MED15: variants seen among roughly 807,000 people sequenced by gnomAD.
The protein encoded by MED15 is mediator of RNA polymerase II transcription subunit 15.
MED15 carries 41 observed loss-of-function variants against 118.7 expected under a neutral mutation model. The observed-to-expected ratio is 0.35, with a 90% confidence interval of 0.27 to 0.45. MED15 has a LOEUF of 0.45. MED15 is among the 20% of genes least tolerant of loss of function. The pLI is 1.00. For missense variants in MED15, 740 were observed against 1,025.5 expected, an observed-to-expected ratio of 0.72 and a Z score of 3.80; for synonymous variants, 436 against 413.9, an observed-to-expected ratio of 1.05 and a Z score of -0.65.
chr22:20,537,597 A>C (rs890934466), intron 2 of MED15, among the ~76,000 whole-genome samples: 14 of 152,294 alleles, frequency 9.2e-5, no homozygotes, highest in South Asian at 4.1e-4. Context: ...GCCCTGAGGC[A>C]TGGGCCCAGA....
At chr22:20,576,191 A>G (rs902549649) in intron 9 of MED15, among the ~76,000 whole-genome samples, 1 of 152,274 alleles carries the variant, frequency 6.6e-6, no homozygotes, top group Non-Finnish European at 1.5e-5. Flanking sequence ...CTCATCATAC[A>G]GGCTTTCCAT....
At chr22:20,511,943 C>G (rs1220997374) in intron 1 of MED15, among the ~76,000 whole-genome samples, 1 of 150,150 alleles carries the variant, frequency 6.7e-6, no homozygotes, top group Non-Finnish European at 1.5e-5. Context: ...CTACCCCCAC[C>G]GTGTTCTGAC....
At chr22:20,561,757 G>C (rs775111090) in intron 5 of MED15, among the ~76,000 whole-genome samples, 3 of 152,178 alleles carry the variant, frequency 2.0e-5, no homozygotes, top group Non-Finnish European at 4.4e-5. Flanking sequence ...GCTCACGTCT[G>C]TAATCCCAGC....
At chr22:20,521,736 G>T (rs140048388) in intron 1 of MED15, among the ~76,000 whole-genome samples, 9 of 121,894 alleles carry the variant, frequency 7.4e-5, no homozygotes, top group South Asian at 5.3e-4. Context: ...ATTTATTTAT[G>T]TATTTCTGAG....
At chr22:20,566,845 A>T (rs1318805850) in intron 7 of MED15, 28 bp downstream of exon 7, 1 of 1,606,220 alleles carries the variant, frequency 6.2e-7, no homozygotes, top group African/African-American at 1.3e-5. Flanking sequence ...ACAGTGGAGC[A>T]CATGCAGCCC....
At chr22:20,580,689 G>T (rs1299285569) in intron 9 of MED15, among the ~76,000 whole-genome samples, 3 of 152,162 alleles carry the variant, frequency 2.0e-5, no homozygotes, top group African/African-American at 7.2e-5. Context: ...TTGGGATTTT[G>T]TTGACACCTG....
At position 20,582,639 on chromosome 22, in the gene MED15, C is replaced by T. The variant is rs2057021966; in HGVS notation, c.1301C>T (p.Ser434Phe). The stretch of plus-strand genomic sequence containing the variant: ...AGCCAGAGCAGCCTCCCCATGCTGT[C>T]CTCGCCGTCACCGGGCCAGCAGGTG... ...QVSQSSLPMLSSPSPGQQVQT... is the reference protein window; with the variant it reads ...QVSQSSLPMLFSPSPGQQVQT... Residue 434 changes from serine to phenylalanine, a missense_variant, in exon 10 of 18, where the codon TCC becomes TTC. Physicochemically the swap from Ser to Phe is radical, Grantham distance 155 (BLOSUM62 -2). Around this residue, in one of 7 missense-constraint regions of MED15, gnomAD observed 384 missense variants for 506.3 expected, o/e 0.76. Coordinates refer to ENST00000263205, the MANE Select transcript of MED15 (RefSeq NM_001003891.3). 3 of 1,576,846 alleles carry T rather than the reference C, an allele frequency of 1.9e-6. No individual in the cohort carries two copies. Among genetic ancestry groups the T allele is most frequent in the Non-Finnish European group, 2.6e-6 (3 of 1,168,008 alleles).
At chr22:20,508,187 A>G in intron 1 of MED15, 2 of 1,217,562 alleles carry the variant, frequency 1.6e-6, no homozygotes, top group Non-Finnish European at 2.1e-6. Flanking sequence ...GTAAGATGAG[A>G]TTGGGAAGGT....
chr22:20,511,403 GA>G (rs2054058426), intron 1 of MED15, among the ~76,000 whole-genome samples: 1 of 151,658 alleles, frequency 6.6e-6, no homozygotes, highest in Non-Finnish European at 1.5e-5. Context: ...GAGGTGGGGG[GA>G]TCGCTTGAGC....
chr22:20,540,937 G>C (rs1419830837), intron 2 of MED15, among the ~76,000 whole-genome samples: 1 of 151,852 alleles, frequency 6.6e-6, no homozygotes, highest in African/African-American at 2.4e-5. Flanking sequence ...CTAAAAAATA[G>C]GCAAAATACA....
chr22:20,544,876 C>T (rs1432512252), intron 2 of MED15, among the ~76,000 whole-genome samples: 1 of 152,122 alleles, frequency 6.6e-6, no homozygotes, highest in African/African-American at 2.4e-5. Flanking sequence ...GAGGTAAATA[C>T]ATTCTCTGTA....
chr22:20,555,135 G>A lies in MED15; in HGVS notation c.438G>A (p.Thr146=), dbSNP rs141220025. 3.1e-5 allele frequency: 49 copies of A among 1,602,040 alleles called. No individual in the cohort carries two copies. The highest frequency in any genetic ancestry group is 1.7e-4 in the Middle Eastern group (1 of 6,036). The change falls in exon 5 of 18, where the codon ACG becomes ACA. Residue 146 remains threonine, a synonymous_variant. Coordinates refer to ENST00000263205, the MANE Select transcript of MED15 (RefSeq NM_001003891.3). ...MAPHSMAVVS[T]ATPQTQLQLQ... The stretch of plus-strand genomic sequence containing the variant: ...CTCACAGCATGGCTGTCGTGTCTAC[G>A]GCAACTCCACAGAGTGAGTACCACA...
At chr22:20,508,158 T>C in intron 1 of MED15, 2 of 1,215,458 alleles carry the variant, frequency 1.6e-6, no homozygotes, top group Non-Finnish European at 1.0e-6. Flanking sequence ...TGAAAGAAAG[T>C]GATGGGAGGA....
In MED15 at chr22:20,569,997, G is replaced by T. The variant is rs114707298; in HGVS notation, c.1152+1366G>T. Among the ~76,000 whole-genome samples the T allele has an allele frequency of 4.3e-3, 647 of 152,196 alleles. 7 individuals carry two copies. Among genetic ancestry groups the T allele is most frequent in the African/African-American group, 0.015 (618 of 41,528 alleles). Reference sequence around the variant, plus strand: ...GCTACCTTTGCCTCTTTGGACCATCGATCCTCTGTTCAGGACCTCACTTCC... The same window carrying T: ...GCTACCTTTGCCTCTTTGGACCATCTATCCTCTGTTCAGGACCTCACTTCC... On this transcript the variant is annotated intron_variant, in intron 8 of 17. Transcript: ENST00000263205.
intron 2 of MED15, 79 bp from the exon 3 acceptor site, chr22:20,551,357 G>A: frequency 7.5e-7 from 1 of 1,329,626 alleles, no homozygotes. Flanking sequence ...GGTGCCAGCA[G>A]GCGAGGGGGC....
intron 2 of MED15, among the ~76,000 whole-genome samples, chr22:20,540,123 T>G (rs2055238598): frequency 2.0e-5 from 3 of 152,020 alleles, no homozygotes; most frequent in Admixed American, 6.6e-5. Context: ...TGCATTGTAA[T>G]CATCCCGGAG....
At chr22:20,558,415 GA>G (rs2056102710) in intron 5 of MED15, among the ~76,000 whole-genome samples, 2 of 152,182 alleles carry the variant, frequency 1.3e-5, no homozygotes, top group Admixed American at 1.3e-4. Flanking sequence ...AGGTTAGTCG[GA>G]AAAGGCTGAA....
chr22:20,567,202 T>C (rs190522298), intron 7 of MED15, among the ~76,000 whole-genome samples: 1 of 152,322 alleles, frequency 6.6e-6, no homozygotes, highest in Admixed American at 6.5e-5. Flanking sequence ...TACTCAGAGT[T>C]AATGTTCTAA....
chr22:20,573,313 T>G (rs1424426073), intron 8 of MED15, among the ~76,000 whole-genome samples: 1 of 152,206 alleles, frequency 6.6e-6, no homozygotes, highest in Non-Finnish European at 1.5e-5. Flanking sequence ...TCATTTAACG[T>G]TCTATTCTTT....
Sources: gnomAD v4.1 joint callset for allele counts (sites outside exome capture counted in the v4.1 genomes callset) on GRCh38, gnomAD v4.1.1 for gene constraint, gnomAD v4.1.1 regional missense constraint, MANE v1.5 for transcripts, NCBI Gene and HGNC (gene_info 2026-07-23, HGNC 2026-07-21) for gene names.